The following TNR variants were observed in gnomAD, a reference collection of about 807,000 sequenced individuals.
TNR encodes tenascin R.
A neutral mutation model predicts 150.4 loss-of-function variants in TNR; 45 were observed. The observed-to-expected ratio is 0.30, with a 90% CI of 0.24 to 0.38. The LOEUF is 0.38. TNR is among the 10% of genes least tolerant of loss of function. The pLI is 1.00. For synonymous variants in TNR, 687 were observed against 678.4 expected, an observed-to-expected ratio of 1.01 and a Z score of -0.20; for missense variants, 1,544 against 1,759.1, an observed-to-expected ratio of 0.88 and a Z score of 2.19.
intron 15 of TNR, among the ~76,000 whole-genome samples, chr1:175,357,335 G>A (rs1302949481): frequency 2.6e-5 from 4 of 152,150 alleles, no homozygotes; most frequent in Non-Finnish European, 5.9e-5. Context: ...CCTCTGTTGG[G>A]CAATTAGAAT....
At chr1:175,616,922 C>T (rs1170192678) in intron 1 of TNR, among the ~76,000 whole-genome samples, 1 of 152,180 alleles carries the variant, frequency 6.6e-6, no homozygotes, top group Non-Finnish European at 1.5e-5. Flanking sequence ...AAGATAATTT[C>T]GAAGATGCCT....
chr1:175,601,217 A>C (rs1184577650), intron 1 of TNR, among the ~76,000 whole-genome samples: 1 of 152,226 alleles, frequency 6.6e-6, no homozygotes, highest in Non-Finnish European at 1.5e-5. Flanking sequence ...CACATCCTGC[A>C]CTTGCTCTGC....
intron 1 of TNR, among the ~76,000 whole-genome samples, chr1:175,739,266 C>G (rs1368659992): frequency 6.6e-6 from 1 of 152,090 alleles, no homozygotes; most frequent in Non-Finnish European, 1.5e-5. Context: ...AGGTCTGTGA[C>G]CTACCTGGAC....
At chr1:175,380,692 G>A (rs1652634100) in intron 8 of TNR, among the ~76,000 whole-genome samples, 2 of 152,136 alleles carry the variant, frequency 1.3e-5, no homozygotes, top group South Asian at 2.1e-4. Context: ...AAGAGACGAC[G>A]GGGACACTGC....
At chr1:175,426,952 T>TTA (rs1221406519) in intron 2 of TNR, among the ~76,000 whole-genome samples, 1 of 75,354 alleles carries the variant, frequency 1.3e-5, no homozygotes, top group African/African-American at 5.0e-5. Flanking sequence ...TATATATATA[T>TTA]TATATATAAA....
At chr1:175,567,014 A>T (rs1329452742) in intron 1 of TNR, among the ~76,000 whole-genome samples, 1 of 152,016 alleles carries the variant, frequency 6.6e-6, no homozygotes, top group Non-Finnish European at 1.5e-5. Flanking sequence ...ACCATTACTC[A>T]TGTTTTTATT....
intron 1 of TNR, among the ~76,000 whole-genome samples, chr1:175,563,462 G>A (rs962703662): frequency 1.3e-5 from 2 of 152,186 alleles, no homozygotes; most frequent in Admixed American, 6.5e-5. Context: ...GCCTATCAAA[G>A]GGTATTAAAA....
In TNR at chr1:175,367,275, A is replaced by G. The variant is rs777898595; in HGVS notation, c.1986T>C (p.Tyr662=). Reference sequence around the variant, plus strand: ...TCATGACGGCAGATATTCCAACTCCATACTCAGTGCCAGGTACCAGATCTA... The same window carrying G: ...TCATGACGGCAGATATTCCAACTCCGTACTCAGTGCCAGGTACCAGATCTA... ...TLTDLVPGTE[Y]GVGISAVMNS... The change falls in exon 10 of 23, where the codon TAT becomes TAC. Residue 662 remains tyrosine (Y), a synonymous_variant. Transcript: ENST00000367674. The G allele has an allele frequency of 6.2e-7, 1 of 1,614,144 alleles. No homozygotes were observed. The highest frequency in any genetic ancestry group is 1.1e-5 in the South Asian group (1 of 91,082).
intron 1 of TNR, among the ~76,000 whole-genome samples, chr1:175,696,217 GTTTTTTTTTTTT>G (rs5778870): frequency 5.7e-4 from 23 of 40,470 alleles, no homozygotes; most frequent in Admixed American, 2.5e-3. Context: ...CCTTCCTGTA[GTTTTTTTTTTTT>G]TTTTTTTTTT....
intron 1 of TNR, among the ~76,000 whole-genome samples, chr1:175,528,688 G>C (rs1490388420): frequency 2.7e-4 from 41 of 152,188 alleles, no homozygotes; most frequent in Admixed American, 2.4e-3. Flanking sequence ...AACATGCTTA[G>C]CTGATCTGAT....
Position 175,470,385 on chromosome 1 carries a change from A to G in TNR, c.-64+57884T>C, listed in dbSNP as rs185607769. Among the ~76,000 whole-genome samples the G allele has an allele frequency of 7.1e-3, 1,078 of 152,306 alleles. 3 individuals carry two copies. The highest frequency in any genetic ancestry group is 0.011 in the Non-Finnish European group (770 of 68,026). On this transcript the variant is annotated intron_variant, in intron 2 of 22. Coordinates refer to ENST00000367674, the MANE Select transcript of TNR (RefSeq NM_003285.3). The stretch of plus-strand genomic sequence containing the variant: ...GGGCAGAGTGAGGATGATGAGGGAG[A>G]GGTCGAAAGAGAATCCACCCAAAGG...
chr1:175,454,250 C>T (rs860906), intron 2 of TNR, among the ~76,000 whole-genome samples: 103,914 of 152,082 alleles, frequency 0.68, 36,755 homozygotes, highest in African/African-American at 0.87. Context: ...AATCATTCAT[C>T]CAGATTACAG....
At chr1:175,700,392 G>T (rs923750192) in intron 1 of TNR, among the ~76,000 whole-genome samples, 1 of 152,322 alleles carries the variant, frequency 6.6e-6, no homozygotes, top group East Asian at 1.9e-4. Flanking sequence ...AAGCTCAGAA[G>T]TGATGTCACT....
rs546768363 is a variant in TNR at position 175,498,366 on chromosome 1, C to T, written c.-64+29903G>A. Among the ~76,000 whole-genome samples the T allele has an allele frequency of 3.8e-4, 58 of 152,290 alleles. 1 individual carries two copies. Among genetic ancestry groups the T allele is most frequent in the African/African-American group, 1.3e-3 (55 of 41,556 alleles). On this transcript the variant is annotated intron_variant, in intron 2 of 22. Transcript: ENST00000367674. ...AGAAAGGAATGTAGGTGAGTCTTTC[C>T]CTTTCTTCTCTATCTGCTAGCTGGA... is the stretch of plus-strand genomic sequence containing the variant.
chr1:175,675,682 G>A (rs892181399), intron 1 of TNR, among the ~76,000 whole-genome samples: 15 of 152,124 alleles, frequency 9.9e-5, no homozygotes, highest in Admixed American at 5.9e-4. Flanking sequence ...TACGAGAAAA[G>A]TTTATCTCTT....
intron 2 of TNR, among the ~76,000 whole-genome samples, chr1:175,515,390 C>G (rs141836847): frequency 3.3e-5 from 5 of 152,118 alleles, no homozygotes; most frequent in Non-Finnish European, 7.3e-5. Flanking sequence ...GAAACATGGG[C>G]GCCTAATTCA....
At chr1:175,664,465 C>A (rs1297830161) in intron 1 of TNR, among the ~76,000 whole-genome samples, 1 of 152,148 alleles carries the variant, frequency 6.6e-6, no homozygotes, top group Non-Finnish European at 1.5e-5. Flanking sequence ...CTGGTTGAAA[C>A]CTTTCTGAGG....
chr1:175,669,187 T>C (rs537564046), intron 1 of TNR, among the ~76,000 whole-genome samples: 1 of 152,352 alleles, frequency 6.6e-6, no homozygotes, highest in South Asian at 2.1e-4. Context: ...GAGGTAATGA[T>C]GGTAAAGCAT....
intron 1 of TNR, among the ~76,000 whole-genome samples, chr1:175,738,625 G>C (rs1478872929): frequency 2.6e-5 from 4 of 152,176 alleles, no homozygotes; most frequent in African/African-American, 9.7e-5. Context: ...AATGTACTTA[G>C]TGCCATTGAA....
Sources: allele counts gnomAD v4.1 joint callset (sites outside exome capture counted in the v4.1 genomes callset), GRCh38; gene constraint gnomAD v4.1.1; transcripts MANE v1.5; gene names NCBI Gene and HGNC (gene_info 2026-07-23, HGNC 2026-07-21).